NAALADL2: variants seen among roughly 807,000 people sequenced by gnomAD.
NAALADL2 encodes the protein N-acetylated alpha-linked acidic dipeptidase like 2.
In NAALADL2, 76 loss-of-function variants were observed where a neutral mutation model predicts 87.2. That is an observed-to-expected ratio of 0.87 (90% CI 0.72 to 1.05). The LOEUF (loss-of-function observed/expected upper bound fraction) is 1.05, where lower values mean the gene tolerates loss of function less well. Ranked by LOEUF, NAALADL2 falls within the 50% of genes least tolerant of loss-of-function variation. The pLI is 0.00. For synonymous variants in NAALADL2, 354 were observed against 331.0 expected (o/e 1.07, Z -0.75); for missense variants, 1,089 against 945.8 (o/e 1.15, Z -1.99).
At chr3:175,538,062 G>A (rs1168063588) in intron 9 of NAALADL2, among the ~76,000 whole-genome samples, 1 of 152,152 alleles carries the variant, frequency 6.6e-6, no homozygotes, top group African/African-American at 2.4e-5. Flanking sequence ...TCGATTAGAT[G>A]TTATTGTTGC....
intron 13 of NAALADL2, among the ~76,000 whole-genome samples, chr3:175,792,034 ATGGT>A (rs1361862865): frequency 1.3e-5 from 2 of 152,096 alleles, no homozygotes; most frequent in Non-Finnish European, 2.9e-5. Flanking sequence ...AAAAAAATAA[ATGGT>A]ACTTTGAAAT....
chr3:175,676,668 A>G (rs1423264491), intron 11 of NAALADL2: 3 of 152,044 alleles, frequency 2.0e-5, no homozygotes, highest in African/African-American at 7.3e-5. Flanking sequence ...CAAATTTGAT[A>G]TTTCATCAAG....
At chr3:174,537,417 AT>A (rs889057271) in intron 1 of NAALADL2, among the ~76,000 whole-genome samples, 9 of 152,316 alleles carry the variant, frequency 5.9e-5, no homozygotes, top group Admixed American at 5.2e-4. Context: ...CCAATTAACA[AT>A]ATTCTATTTC....
intron 11 of NAALADL2, among the ~76,000 whole-genome samples, chr3:175,628,500 A>T (rs1727305287): frequency 6.6e-6 from 1 of 151,030 alleles, no homozygotes; most frequent in Admixed American, 6.6e-5. Context: ...ACATGGCATC[A>T]TATGGATTTT....
intron 9 of NAALADL2, among the ~76,000 whole-genome samples, chr3:175,520,982 A>T (rs941465035): frequency 5.9e-5 from 9 of 152,134 alleles, no homozygotes; most frequent in Non-Finnish European, 1.0e-4. Context: ...TTTGAGAGAG[A>T]GATGATTGTC....
At chr3:175,667,266 G>A (rs536246145) in intron 11 of NAALADL2, among the ~76,000 whole-genome samples, 128 of 136,496 alleles carry the variant, frequency 9.4e-4, no homozygotes, top group African/African-American at 1.4e-3. Context: ...AGAAAGAAAG[G>A]AAGGAAGGGA....
intron 1 of NAALADL2, among the ~76,000 whole-genome samples, chr3:174,466,122 T>A (rs1716517645): frequency 6.6e-6 from 1 of 152,162 alleles, no homozygotes; most frequent in South Asian, 2.1e-4. Flanking sequence ...AGAACAGAAG[T>A]AATTTCCATT....
At chr3:174,572,090 ATTC>A (rs1433621553) in intron 2 of NAALADL2, among the ~76,000 whole-genome samples, 4 of 152,112 alleles carry the variant, frequency 2.6e-5, no homozygotes, top group Non-Finnish European at 4.4e-5. Flanking sequence ...TATATGGATA[ATTC>A]TTCTTCCTTT....
intron 2 of NAALADL2, among the ~76,000 whole-genome samples, chr3:174,720,429 A>G (rs894159700): frequency 6.6e-6 from 1 of 152,200 alleles, no homozygotes; most frequent in African/African-American, 2.4e-5. Context: ...TGTACATTAT[A>G]TGATAGCTAT....
chr3:175,366,291 C>T (rs1288146481), intron 5 of NAALADL2, among the ~76,000 whole-genome samples: 1 of 151,354 alleles, frequency 6.6e-6, no homozygotes, highest in Non-Finnish European at 1.5e-5. Context: ...CAAGTCTTTG[C>T]TATTGTGAAT....
At chr3:175,732,707 G>C (rs1743939791) in intron 11 of NAALADL2, among the ~76,000 whole-genome samples, 1 of 152,128 alleles carries the variant, frequency 6.6e-6, no homozygotes, top group Admixed American at 6.5e-5. Flanking sequence ...CTTTAGCTCA[G>C]TATGTCAAAG....
At chr3:174,998,913 A>C (rs539980407) in intron 1 of NAALADL2, among the ~76,000 whole-genome samples, 45 of 152,354 alleles carry the variant, frequency 3.0e-4, no homozygotes, top group Non-Finnish European at 5.1e-4. Flanking sequence ...ATCATCTATT[A>C]GAAGAATTAA....
intron 11 of NAALADL2, among the ~76,000 whole-genome samples, chr3:175,689,424 T>A (rs976141487): frequency 1.3e-5 from 2 of 152,266 alleles, no homozygotes; most frequent in South Asian, 4.1e-4. Context: ...AATTGGAATT[T>A]TAGAATAATA....
intron 13 of NAALADL2, among the ~76,000 whole-genome samples, chr3:175,795,440 G>C (rs189737431): frequency 6.6e-6 from 1 of 151,900 alleles, no homozygotes; most frequent in African/African-American, 2.4e-5. Context: ...TTGGGAGACC[G>C]AGGTAAGTGG....
chr3:175,669,229 G>A (rs1003173479), intron 11 of NAALADL2, among the ~76,000 whole-genome samples: 12 of 152,098 alleles, frequency 7.9e-5, no homozygotes, highest in African/African-American at 4.8e-5. Context: ...TGATTTTCAT[G>A]TGAGTTAAAG....
chr3:175,275,072 T>C (rs922169535), intron 4 of NAALADL2, among the ~76,000 whole-genome samples: 4 of 152,198 alleles, frequency 2.6e-5, no homozygotes, highest in Non-Finnish European at 4.4e-5. Flanking sequence ...TTTTACTGAC[T>C]AAAGTTAACT....
chr3:174,697,161 A>G (rs987385100), intron 2 of NAALADL2, among the ~76,000 whole-genome samples: 3 of 152,192 alleles, frequency 2.0e-5, no homozygotes, highest in Non-Finnish European at 2.9e-5. Flanking sequence ...GATGATAGCA[A>G]TGCCATAATT....
At chr3:175,101,003 C>T (rs1236634358) in intron 2 of NAALADL2, among the ~76,000 whole-genome samples, 1 of 151,800 alleles carries the variant, frequency 6.6e-6, no homozygotes, top group Non-Finnish European at 1.5e-5. Flanking sequence ...GGGTTGTAAG[C>T]AGGAGCTGGA....
intron 1 of NAALADL2, among the ~76,000 whole-genome samples, chr3:175,047,766 A>T (rs567459317): frequency 6.6e-6 from 1 of 152,212 alleles, no homozygotes; most frequent in Admixed American, 6.5e-5. Context: ...TTATTAAAAC[A>T]TACATGAAAA....
Sources: allele counts gnomAD v4.1 joint callset (sites outside exome capture counted in the v4.1 genomes callset), GRCh38; gene constraint gnomAD v4.1.1; transcripts MANE v1.5; gene names NCBI Gene and HGNC (gene_info 2026-07-23, HGNC 2026-07-21).